The following SERPINA6 variants were observed in gnomAD, a reference collection of about 807,000 sequenced individuals.
SERPINA6 encodes serpin family A member 6.
In SERPINA6, 19 loss-of-function variants were observed where a neutral mutation model predicts 26.4. The ratio of observed to expected loss-of-function variants is 0.72; its 90% CI spans 0.50 to 1.06. SERPINA6 has a LOEUF of 1.06. Among genes scored for constraint, SERPINA6 ranks in the 50% least tolerant of loss-of-function variants. SERPINA6 has a pLI of 0.00. For synonymous variants in SERPINA6, 196 were observed against 199.4 expected (o/e 0.98, Z 0.14); for missense variants, 473 against 504.0 (o/e 0.94, Z 0.59).
Position 94,309,970 on chromosome 14 carries a change from C to G in SERPINA6, c.650G>C (p.Arg217Thr), listed in dbSNP as rs144992509. The G allele has an allele frequency of 2.1e-5, 34 of 1,614,140 alleles. No homozygotes were observed. In the Admixed American group the frequency reaches 4.5e-4, roughly 21 times the overall value. Residue 217 changes from arginine (R) to threonine (T), a missense_variant, in exon 3 of 5, where the codon AGG becomes ACG. Coordinates refer to ENST00000341584, the MANE Select transcript of SERPINA6 (RefSeq NM_001756.4). ...WTQPFDLAST[R>T]EENFYVDETT... ...CTCGTCCACATAGAAGTTCTCCTCC[C>G]TGGTGCTTGCCAGGTCAAAGGGCTG...
At chr14:94,313,534 G>A (rs1347657509) in intron 2 of SERPINA6, among the ~76,000 whole-genome samples, 3 of 152,206 alleles carry the variant, frequency 2.0e-5, no homozygotes, top group African/African-American at 4.8e-5. Flanking sequence ...AGGCCATGTG[G>A]CTTCTAGAAG....
intron 2 of SERPINA6, among the ~76,000 whole-genome samples, chr14:94,312,377 T>A (rs548369654): frequency 6.6e-6 from 1 of 152,318 alleles, no homozygotes; most frequent in East Asian, 1.9e-4. Context: ...TCCCTGCACC[T>A]GGGTTTACTG....
intron 3 of SERPINA6, 67 bp from the exon 4 acceptor site, chr14:94,306,285 C>T: frequency 6.4e-7 from 1 of 1,552,554 alleles, no homozygotes; most frequent in Non-Finnish European, 8.9e-7. Flanking sequence ...AGAGCAGCAC[C>T]TCTTCTCCTG....
chr14:94,304,292 A>G lies in SERPINA6; in HGVS notation c.*126T>C, dbSNP rs1037872984. On this transcript the variant is annotated 3_prime_UTR_variant, in exon 5 of 5. Transcript: ENST00000341584. The stretch of plus-strand genomic sequence containing the variant: ...TATTAAAAGATGCCTAAAGTTAGAC[A>G]CAACTCTGGTTGGAGGGAGAAGAAC... 3.8e-5 allele frequency: 36 copies of G among 947,300 alleles called. No individual in the cohort carries two copies. Among genetic ancestry groups the G allele is most frequent in the Non-Finnish European group, 5.5e-5 (32 of 578,594 alleles). 58.7% of individuals were successfully genotyped at this position (947,300 alleles called of 1,614,324 possible).
intron 4 of SERPINA6, among the ~76,000 whole-genome samples, chr14:94,305,143 C>G (rs1474233311): frequency 6.6e-6 from 1 of 152,268 alleles, no homozygotes; most frequent in East Asian, 1.9e-4. Flanking sequence ...CATAACCTGG[C>G]TAAATAAGTA....
In SERPINA6 at chr14:94,314,136, G is replaced by T. The variant is rs1052759090; in HGVS notation, c.513C>A (p.Asn171Lys). Reference protein sequence around the residue: ...QDWATASRQINSYVKNKTQGK... With the variant: ...QDWATASRQIKSYVKNKTQGK... ...CCTGTGTCTTATTCTTGACATAGCT[G>T]TTGATCTGTCTGCTGGCTGTTGCCC... Residue 171 changes from asparagine to lysine, a missense_variant, in exon 2 of 5, where the codon AAC (asparagine) becomes AAA (lysine). Coordinates refer to ENST00000341584, the MANE Select transcript of SERPINA6 (RefSeq NM_001756.4). 3.1e-6 allele frequency: 5 copies of T among 1,614,200 alleles called. No homozygotes were observed. Among genetic ancestry groups the T allele is most frequent in the Admixed American group, 1.7e-5 (1 of 60,020 alleles).
At chr14:94,311,445 A>G (rs1349171387) in intron 2 of SERPINA6, among the ~76,000 whole-genome samples, 1 of 152,178 alleles carries the variant, frequency 6.6e-6, no homozygotes, top group Non-Finnish European at 1.5e-5. Context: ...CATAATGTAT[A>G]TAGTTTGACA....
At chr14:94,313,777 T>A (rs1297688878) in intron 2 of SERPINA6, 2 of 623,422 alleles carry the variant, frequency 3.2e-6, no homozygotes, top group Non-Finnish European at 5.8e-6. Context: ...AGCCAGACTG[T>A]TCATGGTTAC....
At chr14:94,322,643 A>G (rs891225187) in intron 1 of SERPINA6, among the ~76,000 whole-genome samples, 1 of 152,240 alleles carries the variant, frequency 6.6e-6, no homozygotes, top group Non-Finnish European at 1.5e-5. Context: ...CTTAGTAAAT[A>G]TTCACTGTGT....
chr14:94,314,504 T>G lies in SERPINA6; in HGVS notation c.145A>C (p.Ser49Arg). 6.2e-7 allele frequency: 1 copy of G among 1,614,214 alleles called. No homozygotes were observed. The highest frequency in any genetic ancestry group is 8.5e-7 in the Non-Finnish European group (1 of 1,180,028). ...AAGGCCACTAGGTGCTTATACAGGC[T>G]GAAGGCAAAGTCAACGTTGGCTGAA... The part of the protein sequence containing the change: ...LASANVDFAF[S>R]LYKHLVALSP... Residue 49 changes from serine to arginine, a missense_variant, in exon 2 of 5, where the codon AGC (serine) becomes CGC (arginine). By Grantham distance (110) the Ser-to-Arg change is moderately radical (BLOSUM62 -1). Coordinates refer to ENST00000341584, the MANE Select transcript of SERPINA6 (RefSeq NM_001756.4).
rs267604112 is a variant in SERPINA6, at chr14:94,314,169, G to A, written c.480C>T (p.Phe160=). The stretch of plus-strand genomic sequence containing the variant: ...GTCTGCTGGCTGTTGCCCAGTCCTG[G>A]AAATTCATAGCCAAGACCTCTGACT... ...YYESEVLAMN[F]QDWATASRQI... Residue 160 remains phenylalanine (F), a synonymous_variant, in exon 2 of 5, where the codon TTC becomes TTT. Transcript: ENST00000341584. 1.2e-6 allele frequency: 2 copies of A among 1,614,228 alleles called. No homozygotes were observed. The highest frequency in any genetic ancestry group is 2.2e-5 in the South Asian group (2 of 91,086).
Position 94,314,319 on chromosome 14 carries a change from C to A in SERPINA6, c.330G>T (p.Gln110His). 4 of 1,614,168 alleles carry A rather than the reference C, an allele frequency of 2.5e-6. No homozygotes were observed. Among genetic ancestry groups the A allele is most frequent in the Non-Finnish European group, 3.4e-6 (4 of 1,180,034 alleles). ...ACTTTGCAAAGAGTTGGTGCAGGTG[C>A]TGGAAACCCTGGTGGATCTCAGTCT... is the stretch of plus-strand genomic sequence containing the variant. ...RSETEIHQGF[Q>H]HLHQLFAKSD... Residue 110 changes from glutamine (Q) to histidine (H), a missense_variant, in exon 2 of 5, where the codon CAG (glutamine) becomes CAT (histidine). By Grantham distance (24) the Gln-to-His change is conservative. Transcript: ENST00000341584.
At chr14:94,312,743 A>AG (rs1895549733) in intron 2 of SERPINA6, among the ~76,000 whole-genome samples, 1 of 151,932 alleles carries the variant, frequency 6.6e-6, no homozygotes, top group Non-Finnish European at 1.5e-5. Flanking sequence ...GAGAAGAAGG[A>AG]CTCGTAGAGA....
intron 1 of SERPINA6, among the ~76,000 whole-genome samples, chr14:94,318,040 C>A (rs1311152631): frequency 3.9e-5 from 6 of 151,978 alleles, no homozygotes; most frequent in African/African-American, 1.5e-4. Context: ...CCACCACTAA[C>A]AAAGAAAACA....
chr14:94,306,222 C>G lies in SERPINA6; in HGVS notation c.885-4G>C. ...TGGAATGTACAGGTCCACCTGGCTG[C>G]TCGGGGTAAGCAGACAGAGTTAGAC... On this transcript the variant is annotated splice_polypyrimidine_tract_variant and splice_region_variant and intron_variant, in intron 3 of 4. Coordinates refer to ENST00000341584, the MANE Select transcript of SERPINA6 (RefSeq NM_001756.4). The G allele has an allele frequency of 6.2e-7, 1 of 1,614,168 alleles. No individual in the cohort carries two copies. Among genetic ancestry groups the G allele is most frequent in the Non-Finnish European group, 8.5e-7 (1 of 1,180,028 alleles).
rs368402614 is a variant in SERPINA6 at position 94,308,459 on chromosome 14, A to ATGAG, written c.884+1273_884+1276dup. 9.4e-3 allele frequency among the ~76,000 whole-genome samples: 1,434 copies of ATGAG among 152,284 alleles called. 19 individuals are homozygous for ATGAG. Among genetic ancestry groups the ATGAG allele is most frequent in the Middle Eastern group, 0.031 (9 of 294 alleles). On this transcript the variant is annotated intron_variant, in intron 3 of 4. Transcript: ENST00000341584. ...AATGAAATGCACATTGAATGAATGA[A>ATGAG]TGAGTGAGTGAGTGAATGAAATGCT...
At chr14:94,307,511 G>T (rs1449396117) in intron 3 of SERPINA6, among the ~76,000 whole-genome samples, 1 of 152,204 alleles carries the variant, frequency 6.6e-6, no homozygotes, top group Non-Finnish European at 1.5e-5. Flanking sequence ...ATTATTTTTG[G>T]TGTAAAGAAA....
chr14:94,305,366 C>T (rs565305387), intron 4 of SERPINA6, among the ~76,000 whole-genome samples: 1 of 152,324 alleles, frequency 6.6e-6, no homozygotes, highest in East Asian at 1.9e-4. Context: ...TATTTACTAG[C>T]TCTGTGACTG....
rs1240703051 is a variant in SERPINA6 at position 94,314,255 on chromosome 14, AC to A, written c.393del (p.Leu131PhefsTer28). ...TSLEMTMGNALFLDGSLELLE... is the reference protein window; with the variant it reads ...TSLEMTMGNAXFLDGSLELLE... ...AGCAACTCCAGGCTGCCATCAAGAA[AC>A]AAGGCATTGCCCATGGTCATTTCTA... On this transcript the variant is annotated frameshift_variant, in exon 2 of 5. Coordinates refer to ENST00000341584, the MANE Select transcript of SERPINA6 (RefSeq NM_001756.4). LOFTEE classifies it high-confidence loss of function. The A allele has an allele frequency of 6.2e-7, 1 of 1,614,200 alleles. No homozygotes were observed. Among genetic ancestry groups the A allele is most frequent in the Non-Finnish European group, 8.5e-7 (1 of 1,180,030 alleles).
Sources: gnomAD v4.1 joint callset for allele counts (sites outside exome capture counted in the v4.1 genomes callset) on GRCh38, gnomAD v4.1.1 for gene constraint, MANE v1.5 for transcripts, NCBI Gene and HGNC (gene_info 2026-07-23, HGNC 2026-07-21) for gene names.